Variants in THADA observed in about 807,000 individuals in gnomAD.
The protein encoded by THADA is tRNA (32-2'-O)-methyltransferase regulator THADA.
Under a neutral mutation model 219.8 loss-of-function variants are expected in THADA, and 213 were observed. The observed-to-expected ratio is 0.97, with a 90% CI of 0.87 to 1.09. The LOEUF (loss-of-function observed/expected upper bound fraction) is 1.09. Ranked by LOEUF, THADA falls within the 50% of genes least tolerant of loss-of-function variation. The pLI is 0.00. For missense variants in THADA, 2,956 were observed against 2,311.3 expected (o/e 1.28, Z -5.72); for synonymous variants, 1,018 against 828.9 (o/e 1.23, Z -3.92).
intron 31 of THADA, among the ~76,000 whole-genome samples, chr2:43,306,110 G>A (rs1476929729): frequency 6.6e-6 from 1 of 152,094 alleles, no homozygotes; most frequent in South Asian, 2.1e-4. Context: ...TCTGGGAGGT[G>A]ATTCTCCCAA....
chr2:43,522,120 C>G (rs941611525), intron 22 of THADA, among the ~76,000 whole-genome samples: 2 of 152,110 alleles, frequency 1.3e-5, no homozygotes, highest in African/African-American at 4.8e-5. Context: ...TTTCAAAGTT[C>G]ATGTTTATTA....
chr2:43,232,966 A>C (rs1445227269), intron 36 of THADA, 84 bp from the exon 37 acceptor site: 9 of 1,423,432 alleles, frequency 6.3e-6, no homozygotes, highest in African/African-American at 2.9e-5. Context: ...GGGAACAATA[A>C]AGGCCTCAGG....
At chr2:43,378,946 T>A (rs1462139645) in intron 29 of THADA, among the ~76,000 whole-genome samples, 1 of 152,102 alleles carries the variant, frequency 6.6e-6, no homozygotes, top group South Asian at 2.1e-4. Context: ...AGTGTCAACC[T>A]GGACAACCTC....
At chr2:43,588,755 A>G (rs917276911) in intron 4 of THADA, among the ~76,000 whole-genome samples, 4 of 152,116 alleles carry the variant, frequency 2.6e-5, no homozygotes, top group African/African-American at 7.2e-5. Context: ...GGGGAGTACA[A>G]TTTAACAATA....
intron 36 of THADA, among the ~76,000 whole-genome samples, chr2:43,248,390 T>C (rs1669480481): frequency 6.6e-6 from 1 of 151,776 alleles, no homozygotes; most frequent in Non-Finnish European, 1.5e-5. Flanking sequence ...CCACCATGCC[T>C]GGCTAATTTC....
At chr2:43,240,452 C>A (rs1361559257) in intron 36 of THADA, among the ~76,000 whole-genome samples, 1 of 152,188 alleles carries the variant, frequency 6.6e-6, no homozygotes, top group African/African-American at 2.4e-5. Flanking sequence ...GAAAAACAAG[C>A]TCGGTTCAGC....
chr2:43,402,717 G>C (rs537381828), intron 28 of THADA, among the ~76,000 whole-genome samples: 1 of 152,320 alleles, frequency 6.6e-6, no homozygotes, highest in South Asian at 2.1e-4. Context: ...GCAACCTACA[G>C]TCTAGTGTGG....
chr2:43,244,131 T>A (rs1455628393), intron 36 of THADA, among the ~76,000 whole-genome samples: 3 of 152,302 alleles, frequency 2.0e-5, no homozygotes, highest in South Asian at 4.1e-4. Flanking sequence ...GTAAATAAAA[T>A]TTTTCCCCTG....
At chr2:43,566,261 A>C (rs901569858) in intron 15 of THADA, 4 of 501,218 alleles carry the variant, frequency 8.0e-6, no homozygotes, top group Non-Finnish European at 1.4e-5. Context: ...TCTTTCCGAA[A>C]CCAGACTGAG....
chr2:43,441,145 C>T (rs960725782), intron 26 of THADA, among the ~76,000 whole-genome samples: 1 of 152,160 alleles, frequency 6.6e-6, no homozygotes, highest in African/African-American at 2.4e-5. Context: ...ATCAACTATG[C>T]ATTTGTCAGG....
At position 43,297,822 on chromosome 2, in the gene THADA, G is replaced by T. The variant is rs1431795606; in HGVS notation, c.4439-4609C>A. Among the ~76,000 whole-genome samples, 4 of 116,668 alleles carry T rather than the reference G, an allele frequency of 3.4e-5. No homozygotes were observed. The East Asian group carries it at 9.2e-4, about 27-fold the overall frequency. The allele number at this position is 116,668 out of a possible 152,430, so 76.5% of individuals were successfully genotyped here. A position where few individuals can be genotyped will look rare whatever the true frequency, so the allele number is the denominator to read the frequency against. ...CAGCCGCCCCGTCCGGGAGGGAGGT[G>T]GGGGGGGATCAGCCCCCCCGCCCGG... On this transcript the variant is annotated intron_variant, in intron 31 of 37. Transcript: ENST00000405975.
chr2:43,564,412 G>A (rs1375839801), intron 15 of THADA: 2 of 152,282 alleles, frequency 1.3e-5, no homozygotes, highest in East Asian at 1.9e-4. Context: ...TCCATGGCCT[G>A]TAGCCATCTC....
chr2:43,560,817 G>C (rs1220821244), intron 15 of THADA, among the ~76,000 whole-genome samples: 1 of 152,006 alleles, frequency 6.6e-6, no homozygotes, highest in Admixed American at 6.6e-5. Context: ...AAGAGTTTGA[G>C]ACCAGTCTGG....
At chr2:43,307,088 A>C (rs1676950247) in intron 31 of THADA, among the ~76,000 whole-genome samples, 1 of 152,234 alleles carries the variant, frequency 6.6e-6, no homozygotes, top group Admixed American at 6.5e-5. Flanking sequence ...CACCATAAAC[A>C]ATTAGAAAAC....
At chr2:43,542,764 G>A (rs527882411) in intron 20 of THADA, among the ~76,000 whole-genome samples, 2 of 152,180 alleles carry the variant, frequency 1.3e-5, no homozygotes, top group Non-Finnish European at 2.9e-5. Flanking sequence ...TATCACCTGG[G>A]CTGTCAAGGC....
chr2:43,477,637 T>A (rs1348525525), intron 26 of THADA, among the ~76,000 whole-genome samples: 1 of 152,190 alleles, frequency 6.6e-6, no homozygotes, highest in Non-Finnish European at 1.5e-5. Flanking sequence ...TATCACAGAA[T>A]ACTCTGATAC....
intron 37 of THADA, among the ~76,000 whole-genome samples, 193 bp from the exon 38 acceptor site, chr2:43,231,536 A>G (rs1386907125): frequency 1.3e-5 from 2 of 152,170 alleles, no homozygotes; most frequent in East Asian, 3.9e-4. Flanking sequence ...ATTTTCACTC[A>G]CTGTATTTCT....
intron 35 of THADA, among the ~76,000 whole-genome samples, chr2:43,284,415 G>A (rs112607528): frequency 1.3e-4 from 20 of 152,290 alleles, no homozygotes; most frequent in African/African-American, 4.8e-4. Context: ...GGTACAGCTC[G>A]GGCCATTGCT....
At chr2:43,315,467 T>C (rs1677968694) in intron 31 of THADA, among the ~76,000 whole-genome samples, 2 of 152,118 alleles carry the variant, frequency 1.3e-5, no homozygotes, top group Admixed American at 1.3e-4. Context: ...TTTTTCTTTT[T>C]TTTCTTTTTT....
Sources: gnomAD v4.1 joint callset for allele counts (sites outside exome capture counted in the v4.1 genomes callset) on GRCh38, gnomAD v4.1.1 for gene constraint, MANE v1.5 for transcripts, NCBI Gene and HGNC (gene_info 2026-07-23, HGNC 2026-07-21) for gene names.